YTHDF1: variants seen among roughly 807,000 people sequenced by gnomAD.
YTHDF1 encodes YTH N6-methyladenosine RNA binding protein F1.
A neutral mutation model predicts 49.1 loss-of-function variants in YTHDF1; 16 were observed. The ratio of observed to expected loss-of-function variants is 0.33; its 90% CI spans 0.22 to 0.49. The LOEUF (loss-of-function observed/expected upper bound fraction) is 0.49, where lower values mean the gene tolerates loss of function less well. Among genes scored for constraint, YTHDF1 ranks in the 20% least tolerant of loss-of-function variants. The probability of loss-of-function intolerance (pLI) is 0.99; values close to 1 mark genes in which losing one functional copy is unlikely to be tolerated. For missense variants in YTHDF1, 621 were observed against 744.3 expected (o/e 0.83, Z 1.93); for synonymous variants, 313 against 290.1 (o/e 1.08, Z -0.80).
chr20:63,212,193 A>T lies in YTHDF1; in HGVS notation c.132+1671T>A, dbSNP rs139633370. ...AAGTCAAGTCAGTTCTGCCCAGAGG[A>T]AGGGCAGATTCTCAGAAGGCAACCA... On this transcript the variant is annotated intron_variant, in intron 3 of 4. Coordinates refer to ENST00000370339, the MANE Select transcript of YTHDF1 (RefSeq NM_017798.4). 1.6e-3 allele frequency among the ~76,000 whole-genome samples: 239 copies of T among 152,338 alleles called. 2 individuals carry two copies. The highest frequency in any genetic ancestry group is 5.2e-3 in the African/African-American group (218 of 41,584).
At chr20:63,206,063 GCTC>G (rs1330142991) in intron 3 of YTHDF1, among the ~76,000 whole-genome samples, 1 of 152,230 alleles carries the variant, frequency 6.6e-6, no homozygotes, top group African/African-American at 2.4e-5. Flanking sequence ...CACAGGACTT[GCTC>G]CTCGAGTCAC....
intron 2 of YTHDF1, 74 bp from the exon 3 acceptor site, chr20:63,214,017 C>T: frequency 1.3e-6 from 2 of 1,524,870 alleles, no homozygotes; most frequent in East Asian, 2.4e-5. Context: ...GCAAAGTTAG[C>T]AAAGTCTATT....
rs1423298140 is a variant in YTHDF1 at position 63,215,936 on chromosome 20, C to T, written c.-44G>A. The stretch of plus-strand genomic sequence containing the variant: ...CGCGGGGCCGGGGCGCCCGCCGGCT[C>T]GGGCCTCCCCTAGAGGCCGGGCCTG... On this transcript the variant is annotated 5_prime_UTR_variant, in exon 1 of 5. Transcript: ENST00000370339. The T allele has an allele frequency of 2.2e-6, 3 of 1,346,464 alleles. No homozygotes were observed. Among genetic ancestry groups the T allele is most frequent in the East Asian group, 3.2e-5 (1 of 30,826 alleles). The allele number at this position is 1,346,464 out of a possible 1,614,324, so 83.4% of individuals were successfully genotyped here.
chr20:63,204,398 G>A (rs1336372823), intron 3 of YTHDF1, among the ~76,000 whole-genome samples: 6 of 152,208 alleles, frequency 3.9e-5, no homozygotes, highest in Non-Finnish European at 7.4e-5. Context: ...CTTCAAGGGT[G>A]CTTCAGAGGC....
intron 3 of YTHDF1, among the ~76,000 whole-genome samples, chr20:63,206,588 C>T (rs868852339): frequency 3.3e-5 from 5 of 152,204 alleles, no homozygotes; most frequent in African/African-American, 7.2e-5. Context: ...CCACAGAAGA[C>T]GGTGACGCTA....
At position 63,203,496 on chromosome 20, in the gene YTHDF1, C is replaced by T. The variant is rs1402556837; in HGVS notation, c.444G>A (p.Gly148=). Residue 148 remains glycine, a synonymous_variant, in exon 4 of 5, where the codon GGG becomes GGA. Transcript: ENST00000370339. The surrounding 1 kb of genome is among the most constrained non-coding windows in gnomAD (Gnocchi z 4.4). ...AGCTCGGGGGGTAGGTGTAGCTGCT[C>T]CCATACGCGGAGCTCTGGGTCTGCT... ...QGQQTQSSAY[G]SSYTYPPSSL... The T allele has an allele frequency of 2.5e-6, 4 of 1,613,748 alleles. No individual in the cohort carries two copies. The highest frequency in any genetic ancestry group is 3.4e-6 in the Non-Finnish European group (4 of 1,180,012).
chr20:63,202,929 C>A lies in YTHDF1; in HGVS notation c.1011G>T (p.Ala337=). Residue 337 remains alanine (A), a synonymous_variant, in exon 4 of 5, where the codon GCG becomes GCT. Transcript: ENST00000370339. The part of the protein sequence containing the change: ...RWVAPRNRNA[A]FGQSGGAGSD... ...TGCCAGCCCCTCCGCTCTGCCCAAA[C>A]GCCGCGTTTCTGTTGCGTGGGGCAA... is the stretch of plus-strand genomic sequence containing the variant. 1 of 1,614,062 alleles carries A rather than the reference C, an allele frequency of 6.2e-7. No homozygotes were observed. The highest frequency in any genetic ancestry group is 8.5e-7 in the Non-Finnish European group (1 of 1,180,048).
chr20:63,200,743 A>G (rs934825237), intron 4 of YTHDF1, among the ~76,000 whole-genome samples: 2 of 152,234 alleles, frequency 1.3e-5, no homozygotes, highest in African/African-American at 2.4e-5. Flanking sequence ...GAGTCCGCAC[A>G]CTTTATGAAA....
chr20:63,212,455 A>G (rs1446456610), intron 3 of YTHDF1, among the ~76,000 whole-genome samples: 1 of 152,234 alleles, frequency 6.6e-6, no homozygotes, highest in Non-Finnish European at 1.5e-5. Context: ...CCAGTAGCTG[A>G]GGGCTACTTG....
At position 63,202,917 on chromosome 20, in the gene YTHDF1, G is replaced by C; in HGVS notation, c.1023C>G (p.Ser341Arg). 2 of 1,614,022 alleles carry C rather than the reference G, an allele frequency of 1.2e-6. No homozygotes were observed. The highest frequency in any genetic ancestry group is 1.7e-5 in the Admixed American group (1 of 60,032). The change falls in exon 4 of 5, where the codon AGC becomes AGG. Residue 341 changes from serine (S) to arginine (R), a missense_variant. Transcript: ENST00000370339. ...AGTTGCTATCGCTGCCAGCCCCTCCGCTCTGCCCAAACGCCGCGTTTCTGT... is the reference window on the plus strand; with the variant it reads ...AGTTGCTATCGCTGCCAGCCCCTCCCCTCTGCCCAAACGCCGCGTTTCTGT... The part of the protein sequence containing the change: ...PRNRNAAFGQ[S>R]GGAGSDSNSP...
In YTHDF1 at chr20:63,200,172, C is replaced by A. The variant is rs528336431; in HGVS notation, c.1653+2115G>T. 2.0e-5 allele frequency among the ~76,000 whole-genome samples: 3 copies of A among 152,132 alleles called. No homozygotes were observed. The South Asian group carries it at 6.2e-4, about 32-fold the overall frequency. ...GGTCAAGAGATCGAGACCAGCCTGG[C>A]CAACATGGTGAAACCCTATCTCTAC... On this transcript the variant is annotated intron_variant, in intron 4 of 4. Transcript: ENST00000370339.
In YTHDF1 at chr20:63,196,563, C is replaced by T; in HGVS notation, c.*145G>A. On this transcript the variant is annotated 3_prime_UTR_variant, in exon 5 of 5. Coordinates refer to ENST00000370339, the MANE Select transcript of YTHDF1 (RefSeq NM_017798.4). The stretch of plus-strand genomic sequence containing the variant: ...GAAAAAGTACAAATAAATGCAGATC[C>T]ATCTGGGCAAAAATCAACGACAAGA... The T allele has an allele frequency of 2.3e-6, 2 of 855,298 alleles. No individual in the cohort carries two copies. The highest frequency in any genetic ancestry group is 3.7e-6 in the Non-Finnish European group (2 of 537,870). 53.0% of individuals were successfully genotyped at this position (855,298 alleles called of 1,614,324 possible).
At chr20:63,213,761 T>A (rs2066587339) in intron 3 of YTHDF1, 103 bp downstream of exon 3, 1 of 1,052,936 alleles carries the variant, frequency 9.5e-7, no homozygotes, top group Non-Finnish European at 1.4e-6. Context: ...TATAGTCTGC[T>A]GCTTTGTTGT....
chr20:63,203,158 G>A lies in YTHDF1; in HGVS notation c.782C>T (p.Pro261Leu), dbSNP rs747402360. ...CATGTTATGCTTTATGGGTGGAGGGGGCAGCCCACCCCCCATGACAGGCCC... is the reference window on the plus strand; with the variant it reads ...CATGTTATGCTTTATGGGTGGAGGGAGCAGCCCACCCCCCATGACAGGCCC... ...KSGPVMGGGLPPPPIKHNMDI... is the reference protein window; with the variant it reads ...KSGPVMGGGLLPPPIKHNMDI... The change falls in exon 4 of 5, where the codon CCC (proline) becomes CTC (leucine). Residue 261 changes from proline (P) to leucine (L), a missense_variant. By Grantham distance (98) the Pro-to-Leu change is moderately conservative. This residue lies in a region of YTHDF1 where 470 missense variants were observed against 495.8 expected (regional missense o/e 0.95). Transcript: ENST00000370339. This position sits in a 1 kb window ranked among gnomAD's most constrained non-coding sequence, Gnocchi z 4.4. The A allele has an allele frequency of 9.3e-6, 15 of 1,613,732 alleles. No homozygotes were observed. Among genetic ancestry groups the A allele is most frequent in the Non-Finnish European group, 1.3e-5 (15 of 1,180,030 alleles).
rs2066525990 is a variant in YTHDF1 at position 63,203,071 on chromosome 20, G to A, written c.869C>T (p.Pro290Leu). 1 of 1,605,354 alleles carries A rather than the reference G, an allele frequency of 6.2e-7. No individual in the cohort carries two copies. Among genetic ancestry groups the A allele is most frequent in the Non-Finnish European group, 8.5e-7 (1 of 1,174,936 alleles). Residue 290 changes from proline to leucine, a missense_variant, in exon 4 of 5, where the codon CCC (proline) becomes CTC (leucine). Coordinates refer to ENST00000370339, the MANE Select transcript of YTHDF1 (RefSeq NM_017798.4). The surrounding 1 kb of genome is among the most constrained non-coding windows in gnomAD (Gnocchi z 4.4). The stretch of plus-strand genomic sequence containing the variant: ...GGGCTGTGGGGCAGCCTGTGGAGAG[G>A]GTGCCTGCTGGGGGACTGGGGCCTT... ...VPKAPVPQQA[P>L]SPQAAPQPQQ... is the part of the protein sequence containing the mutation.
intron 3 of YTHDF1, among the ~76,000 whole-genome samples, chr20:63,212,942 T>A (rs2066582427): frequency 6.6e-6 from 1 of 152,220 alleles, no homozygotes; most frequent in Admixed American, 6.5e-5. Flanking sequence ...AAAGCCTGAA[T>A]TACCTAAGAA....
intron 3 of YTHDF1, among the ~76,000 whole-genome samples, chr20:63,213,202 C>T (rs999798018): frequency 3.3e-5 from 5 of 152,174 alleles, no homozygotes; most frequent in Admixed American, 6.5e-5. Flanking sequence ...GAGGCCGAGG[C>T]GGGTGGATCA....
chr20:63,197,784 C>T (rs1333978517), intron 4 of YTHDF1, among the ~76,000 whole-genome samples: 1 of 152,140 alleles, frequency 6.6e-6, no homozygotes, highest in Non-Finnish European at 1.5e-5. Flanking sequence ...GGCACATCCA[C>T]CCTCATCTGG....
chr20:63,203,617 G>C lies in YTHDF1; in HGVS notation c.323C>G (p.Pro108Arg), dbSNP rs939645393. 1 of 1,614,136 alleles carries C rather than the reference G, an allele frequency of 6.2e-7. No individual in the cohort carries two copies. The highest frequency in any genetic ancestry group is 8.5e-7 in the Non-Finnish European group (1 of 1,180,040). ...ATAGATGTTGTTCCCCAGGCCCCCA[G>C]GCTGCCCAAAAACAGCATCGTGCAT... ...HFMHDAVFGQ[P>R]GGLGNNIYQH... is the part of the protein sequence containing the mutation. Residue 108 changes from proline (P) to arginine (R), a missense_variant, in exon 4 of 5, where the codon CCT becomes CGT. Around this residue, in one of 2 missense-constraint regions of YTHDF1, gnomAD observed 470 missense variants for 495.8 expected, o/e 0.95. Transcript: ENST00000370339. The surrounding 1 kb of genome is among the most constrained non-coding windows in gnomAD (Gnocchi z 4.4).
Sources: gnomAD v4.1 joint callset for allele counts (sites outside exome capture counted in the v4.1 genomes callset) on GRCh38, gnomAD v4.1.1 for gene constraint, gnomAD v4.1.1 regional missense constraint, Gnocchi (gnomAD v3.1) non-coding constraint, MANE v1.5 for transcripts, NCBI Gene and HGNC (gene_info 2026-07-23, HGNC 2026-07-21) for gene names.